GALNTL6: variants seen among roughly 807,000 people sequenced by gnomAD.
GALNTL6 encodes the protein polypeptide N-acetylgalactosaminyltransferase like 6.
GALNTL6 carries 46 observed loss-of-function variants against 73.7 expected under a neutral mutation model. That is an observed-to-expected ratio of 0.62 (90% CI 0.49 to 0.80). GALNTL6 has a LOEUF of 0.80. Ranked by LOEUF, GALNTL6 falls within the 30% of genes least tolerant of loss-of-function variation. GALNTL6 has a pLI of 0.00. For missense variants in GALNTL6, 604 were observed against 755.0 expected (o/e 0.80, Z 2.34); for synonymous variants, 259 against 263.7 (o/e 0.98, Z 0.17).
At chr4:171,946,947 A>G (rs1738720071) in intron 2 of GALNTL6, among the ~76,000 whole-genome samples, 1 of 152,086 alleles carries the variant, frequency 6.6e-6, no homozygotes, top group African/African-American at 2.4e-5. Context: ...TAAACAAGGA[A>G]GTGAAAATGT....
intron 2 of GALNTL6, among the ~76,000 whole-genome samples, chr4:172,042,820 T>C (rs1228540786): frequency 8.1e-6 from 1 of 122,864 alleles, no homozygotes; most frequent in Admixed American, 1.1e-4. Context: ...CTTTTGGCAC[T>C]GCTCCAAGTT....
intron 2 of GALNTL6, among the ~76,000 whole-genome samples, chr4:172,022,782 C>T (rs1438529638): frequency 2.0e-5 from 3 of 151,968 alleles, no homozygotes; most frequent in African/African-American, 7.2e-5. Flanking sequence ...GCTAAGCACT[C>T]CTGCAAAATT....
At chr4:172,258,900 T>A (rs1486940676) in intron 3 of GALNTL6, among the ~76,000 whole-genome samples, 1 of 151,358 alleles carries the variant, frequency 6.6e-6, no homozygotes, top group Admixed American at 6.6e-5. Context: ...TCCAGCTCCA[T>A]CCAGGATACT....
chr4:172,513,672 A>G (rs1734504030), intron 5 of GALNTL6, among the ~76,000 whole-genome samples: 1 of 152,040 alleles, frequency 6.6e-6, no homozygotes, highest in Non-Finnish European at 1.5e-5. Context: ...GCAGCAATTG[A>G]TATTTCTCTT....
At chr4:171,885,976 A>G (rs1427136966) in intron 2 of GALNTL6, among the ~76,000 whole-genome samples, 1 of 152,150 alleles carries the variant, frequency 6.6e-6, no homozygotes, top group Non-Finnish European at 1.5e-5. Context: ...TAAACTGACA[A>G]TAATAAAGAG....
chr4:172,089,761 G>A (rs1579127598), intron 2 of GALNTL6, among the ~76,000 whole-genome samples: 1 of 152,074 alleles, frequency 6.6e-6, no homozygotes, highest in Admixed American at 6.6e-5. Context: ...TGCAGGTTTG[G>A]TACATAGGTA....
At chr4:172,310,429 C>T (rs888943353) in intron 3 of GALNTL6, among the ~76,000 whole-genome samples, 1 of 151,996 alleles carries the variant, frequency 6.6e-6, no homozygotes, top group Non-Finnish European at 1.5e-5. Flanking sequence ...TGCCACCACG[C>T]CTGCCTAATT....
At chr4:172,934,187 C>T (rs944355235) in intron 9 of GALNTL6, among the ~76,000 whole-genome samples, 1 of 152,152 alleles carries the variant, frequency 6.6e-6, no homozygotes, top group African/African-American at 2.4e-5. Context: ...GAGGAAGTAG[C>T]GTCATAGCTG....
At chr4:172,988,787 A>G (rs1751409350) in intron 10 of GALNTL6, among the ~76,000 whole-genome samples, 1 of 152,264 alleles carries the variant, frequency 6.6e-6, no homozygotes. Context: ...GATAGGTCTC[A>G]GGCCACTGCT....
Position 172,588,346 on chromosome 4 carries a change from C to A in GALNTL6, c.554-221015C>A, listed in dbSNP as rs182597053. Among the ~76,000 whole-genome samples the A allele has an allele frequency of 3.1e-3, 468 of 152,100 alleles. 2 individuals are homozygous for A. Among genetic ancestry groups the A allele is most frequent in the African/African-American group, 0.011 (450 of 41,492 alleles). On this transcript the variant is annotated intron_variant, in intron 5 of 12. Transcript: ENST00000506823. Reference sequence around the variant, plus strand: ...TAGTGGCTCATGCCTGCAATCCCAGCACTTTGAGAGGCCGAAGCGAGCAGA... The same window carrying A: ...TAGTGGCTCATGCCTGCAATCCCAGAACTTTGAGAGGCCGAAGCGAGCAGA...
intron 3 of GALNTL6, among the ~76,000 whole-genome samples, chr4:172,236,450 CT>C (rs1346423451): frequency 6.6e-6 from 1 of 151,414 alleles, no homozygotes; most frequent in East Asian, 2.0e-4. Flanking sequence ...GTCCCAGCTA[CT>C]TGGGAGGCTG....
At chr4:171,840,686 C>T (rs1174205466) in intron 2 of GALNTL6, among the ~76,000 whole-genome samples, 2 of 152,142 alleles carry the variant, frequency 1.3e-5, no homozygotes, top group Non-Finnish European at 2.9e-5. Context: ...ATTATTTTCT[C>T]TCATAGTGCA....
chr4:172,948,878 C>G (rs1319955300), intron 9 of GALNTL6, among the ~76,000 whole-genome samples: 7 of 152,166 alleles, frequency 4.6e-5, no homozygotes, highest in Admixed American at 4.6e-4. Context: ...CTAAAGCCTA[C>G]TTGACCCTTG....
chr4:172,329,558 A>G (rs778046554), intron 4 of GALNTL6, among the ~76,000 whole-genome samples: 36 of 151,954 alleles, frequency 2.4e-4, no homozygotes, highest in Non-Finnish European at 3.4e-4. Flanking sequence ...TGCCTGAACC[A>G]CTGGCAGGGA....
chr4:171,992,597 T>C lies in GALNTL6; in HGVS notation c.138+177879T>C, dbSNP rs1356655480. Among the ~76,000 whole-genome samples the C allele has an allele frequency of 2.0e-5, 3 of 152,214 alleles. No homozygotes were observed. The South Asian group carries it at 6.2e-4, about 32-fold the overall frequency. On this transcript the variant is annotated intron_variant, in intron 2 of 12. Coordinates refer to ENST00000506823, the MANE Select transcript of GALNTL6 (RefSeq NM_001034845.3). ...AATAGAATTCTGATTCGGTCTGTAA[T>C]GCAGATTTATTTCTTGAAAGCTACA...
At chr4:172,304,388 G>T in intron 3 of GALNTL6, among the ~76,000 whole-genome samples, 1 of 150,286 alleles carries the variant, frequency 6.7e-6, no homozygotes, top group African/African-American at 2.5e-5. Context: ...CGGTTAATAG[G>T]TGAAAACATA....
intron 5 of GALNTL6, among the ~76,000 whole-genome samples, chr4:172,462,076 G>A (rs1274310203): frequency 6.6e-6 from 1 of 152,088 alleles, no homozygotes; most frequent in Admixed American, 6.6e-5. Context: ...TGGTGCTCCT[G>A]GTTCTAATGC....
chr4:172,218,419 A>C (rs951782434), intron 2 of GALNTL6, among the ~76,000 whole-genome samples: 1 of 152,126 alleles, frequency 6.6e-6, no homozygotes, highest in Non-Finnish European at 1.5e-5. Flanking sequence ...TGCTTAGTGT[A>C]CAATGGGGGC....
At chr4:172,639,446 C>A (rs1739859003) in intron 5 of GALNTL6, among the ~76,000 whole-genome samples, 3 of 152,094 alleles carry the variant, frequency 2.0e-5, no homozygotes, top group African/African-American at 7.2e-5. Flanking sequence ...CTCGTTAAAA[C>A]CACAGCTCTT....
Sources: gnomAD v4.1 joint callset for allele counts (sites outside exome capture counted in the v4.1 genomes callset) on GRCh38, gnomAD v4.1.1 for gene constraint, MANE v1.5 for transcripts, NCBI Gene and HGNC (gene_info 2026-07-23, HGNC 2026-07-21) for gene names.